The following ADAM15 variants were observed in gnomAD, a reference collection of about 807,000 sequenced individuals.
The protein encoded by ADAM15 is disintegrin and metalloproteinase domain-containing protein 15.
ADAM15 carries 77 observed loss-of-function variants against 113.8 expected under a neutral mutation model. That is an observed-to-expected ratio of 0.68 (90% CI 0.56 to 0.82). The LOEUF (loss-of-function observed/expected upper bound fraction) is 0.82. Among genes scored for constraint, ADAM15 ranks in the 40% least tolerant of loss-of-function variants. ADAM15 has a pLI of 0.00. For missense variants in ADAM15, 963 were observed against 1,120.1 expected (o/e 0.86, Z 2.00); for synonymous variants, 388 against 454.1 (o/e 0.85, Z 1.85).
Position 155,056,073 on chromosome 1 carries a change from C to A in ADAM15, c.745-7C>A. The stretch of plus-strand genomic sequence containing the variant: ...AACCCCTCTTCTGAGCCCCAGCTGT[C>A]TTTCAGTTCTTCCGGCCCCTGAATG... On this transcript the variant is annotated splice_polypyrimidine_tract_variant and splice_region_variant and intron_variant, in intron 8 of 22. Coordinates refer to ENST00000356955, the MANE Select transcript of ADAM15 (RefSeq NM_207197.3). This position sits in a 1 kb window ranked among gnomAD's most constrained non-coding sequence, Gnocchi z 4.0. 1 of 1,612,818 alleles carries A rather than the reference C, an allele frequency of 6.2e-7. No homozygotes were observed. Among genetic ancestry groups the A allele is most frequent in the East Asian group, 2.2e-5 (1 of 44,888 alleles).
intron 16 of ADAM15, 94 bp from the exon 17 acceptor site, chr1:155,059,808 C>T (rs1662321280): frequency 7.3e-7 from 1 of 1,369,406 alleles, no homozygotes; most frequent in Non-Finnish European, 1.0e-6. Flanking sequence ...CCAGCACAAC[C>T]CCCAGTTGTA....
At chr1:155,052,615 C>T in intron 1 of ADAM15, 56 bp from the exon 2 acceptor site, 4 of 1,557,314 alleles carry the variant, frequency 2.6e-6, no homozygotes, top group Non-Finnish European at 3.5e-6. Flanking sequence ...ACCTGTCACC[C>T]CCAGCCCTGC....
chr1:155,062,066 C>T lies in ADAM15; in HGVS notation c.2424+91C>T. The T allele has an allele frequency of 3.4e-6, 5 of 1,479,840 alleles. No homozygotes were observed. Among genetic ancestry groups the T allele is most frequent in the Non-Finnish European group, 4.5e-6 (5 of 1,113,706 alleles). The allele number at this position is 1,479,840 out of a possible 1,614,324, so 91.7% of individuals were successfully genotyped here. A position where few individuals can be genotyped will look rare whatever the true frequency, so the allele number is the denominator to read the frequency against. The stretch of plus-strand genomic sequence containing the variant: ...TGACGGTGGTGGCCGTGGCGAGATG[C>T]CCCCTCAGTGCATGAGGGCACATAT... On this transcript the variant is annotated intron_variant, in intron 21 of 22. Coordinates refer to ENST00000356955, the MANE Select transcript of ADAM15 (RefSeq NM_207197.3). This position sits in a 1 kb window ranked among gnomAD's most constrained non-coding sequence, Gnocchi z 7.0.
At position 155,061,352 on chromosome 1, in the gene ADAM15, C is replaced by T. The variant is rs1438837568; in HGVS notation, c.2278-63C>T. 3.5e-6 allele frequency: 5 copies of T among 1,440,314 alleles called. No homozygotes were observed. The Admixed American group carries it at 7.1e-5, about 20-fold the overall frequency. The allele number at this position is 1,440,314 out of a possible 1,614,324, so 89.2% of individuals were successfully genotyped here. ...CCCCCTGGGCACTGACCCTTCCCTG[C>T]CCACTCTGTCTCTCTGCTTCCTCTT... On this transcript the variant is annotated intron_variant, in intron 19 of 22. Transcript: ENST00000356955.
chr1:155,055,738 C>T, intron 6 of ADAM15, 52 bp from the exon 7 acceptor site: 1 of 1,604,662 alleles, frequency 6.2e-7, no homozygotes, highest in South Asian at 1.1e-5. Flanking sequence ...CCCGGCACAG[C>T]TGCTGGCTGC....
chr1:155,054,678 G>A (rs939205917), intron 6 of ADAM15, among the ~76,000 whole-genome samples, 172 bp downstream of exon 6: 2 of 152,140 alleles, frequency 1.3e-5, no homozygotes, highest in Admixed American at 6.5e-5. Context: ...GGAGGTAGGT[G>A]CTATCAATAG....
rs899642422 is a variant in ADAM15, at chr1:155,053,432, C to G, written c.202C>G (p.Pro68Ala). The change falls in exon 3 of 23, where the codon CCC (proline) becomes GCC (alanine). Residue 68 changes from proline (P) to alanine (A), a missense_variant. By Grantham distance (27) the Pro-to-Ala change is conservative. Transcript: ENST00000356955. Reference protein sequence around the residue: ...KKVLQTSLPEPLRIKLELDGD... With the variant: ...KKVLQTSLPEALRIKLELDGD... ...GTGCCCACAGACCAGTCTGCCTGAG[C>G]CCCTGAGGATCAAGTTGGAGCTGGA... 8 of 1,613,950 alleles carry G rather than the reference C, an allele frequency of 5.0e-6. No individual in the cohort carries two copies. The highest frequency in any genetic ancestry group is 1.7e-5 in the Admixed American group (1 of 59,992).
chr1:155,061,111 C>T, intron 19 of ADAM15: 1 of 579,994 alleles, frequency 1.7e-6, no homozygotes, highest in Non-Finnish European at 3.1e-6. Context: ...TCCATGCCCC[C>T]AGCAGTGACC....
chr1:155,057,817 A>T lies in ADAM15; in HGVS notation c.1417-34A>T. ...TTCTGACCCCCGGCTGGATTTGCTC[A>T]GTGCCCACACTGATGCTCATCCACC... On this transcript the variant is annotated intron_variant, in intron 13 of 22. Transcript: ENST00000356955. This position sits in a 1 kb window ranked among gnomAD's most constrained non-coding sequence, Gnocchi z 5.0. 6.2e-7 allele frequency: 1 copy of T among 1,613,092 alleles called. No individual in the cohort carries two copies. The highest frequency in any genetic ancestry group is 8.5e-7 in the Non-Finnish European group (1 of 1,179,234).
intron 1 of ADAM15, 184 bp from the exon 2 acceptor site, chr1:155,052,487 A>G (rs1021764362): frequency 1.3e-6 from 2 of 1,535,474 alleles, no homozygotes; most frequent in African/African-American, 1.4e-5. Context: ...GTGGAAAGCC[A>G]TAAATTAGAG....
In ADAM15 at chr1:155,051,651, G is replaced by C. The variant is rs187651419; in HGVS notation, c.79+186G>C. ...TGGCGATGGGGTGAAAAGAGAAGGA[G>C]GGGGGATGCCGGCGCCCCCTGCCTC... On this transcript the variant is annotated intron_variant, in intron 1 of 22. Transcript: ENST00000356955. 506 of 505,608 alleles carry C rather than the reference G, an allele frequency of 1.0e-3. 5 individuals carry two copies. The East Asian group carries it at 0.018, about 18-fold the overall frequency. The allele number at this position is 505,608 out of a possible 1,614,324, so 31.3% of individuals were successfully genotyped here. A position where few individuals can be genotyped will look rare whatever the true frequency, so the allele number is the denominator to read the frequency against.
intron 16 of ADAM15, 88 bp from the exon 17 acceptor site, chr1:155,059,814 T>G: frequency 1.4e-6 from 2 of 1,420,684 alleles, no homozygotes; most frequent in Non-Finnish European, 2.0e-6. Context: ...CAACCCCCAG[T>G]TGTAGAAATC....
intron 6 of ADAM15, 111 bp downstream of exon 6, chr1:155,054,617 C>A (rs1661520193): frequency 5.0e-6 from 6 of 1,207,172 alleles, no homozygotes; most frequent in Non-Finnish European, 6.7e-6. Context: ...GAGCACTTTC[C>A]ACATGCTGGG....
chr1:155,060,156 T>G, intron 17 of ADAM15, 49 bp from the exon 18 acceptor site: 1 of 1,607,266 alleles, frequency 6.2e-7, no homozygotes, highest in Middle Eastern at 1.7e-4. Context: ...CCTTCATGGA[T>G]CTAGAGTTCT....
chr1:155,059,195 C>G lies in ADAM15; in HGVS notation c.1995+408C>G, dbSNP rs189480510. ...CATTACTCATGTCTCAGCCTCCCTA[C>G]TCGCTGGGATTACAGTCACCCGCCA... On this transcript the variant is annotated intron_variant, in intron 16 of 22. Transcript: ENST00000356955. Among the ~76,000 whole-genome samples the G allele has an allele frequency of 2.0e-3, 301 of 152,238 alleles. 1 individual carries two copies. Among genetic ancestry groups the G allele is most frequent in the South Asian group, 0.014 (67 of 4,820 alleles).
chr1:155,058,486 T>G lies in ADAM15; in HGVS notation c.1917+45T>G. ...AAGACCAGGTGTGAGAAGGGACATT[T>G]GGACCACAATGAACAGAGCCCAGAC... On this transcript the variant is annotated intron_variant, in intron 15 of 22. Coordinates refer to ENST00000356955, the MANE Select transcript of ADAM15 (RefSeq NM_207197.3). The surrounding 1 kb of genome is among the most constrained non-coding windows in gnomAD (Gnocchi z 4.3). 1 of 1,598,806 alleles carries G rather than the reference T, an allele frequency of 6.3e-7. No individual in the cohort carries two copies. The highest frequency in any genetic ancestry group is 1.3e-5 in the African/African-American group (1 of 74,920).
At chr1:155,059,215 C>A (rs1662214902) in intron 16 of ADAM15, among the ~76,000 whole-genome samples, 1 of 152,132 alleles carries the variant, frequency 6.6e-6, no homozygotes, top group Admixed American at 6.5e-5. Context: ...TTACAGTCAC[C>A]CGCCACCATG....
chr1:155,061,773 T>G, intron 20 of ADAM15, 131 bp from the exon 21 acceptor site: 2 of 1,077,076 alleles, frequency 1.9e-6, no homozygotes, highest in Non-Finnish European at 2.7e-6. Flanking sequence ...CCAAGCCCTC[T>G]GCGCATGCCC....
intron 16 of ADAM15, among the ~76,000 whole-genome samples, chr1:155,059,197 C>A (rs181806359): frequency 6.6e-6 from 1 of 152,084 alleles, no homozygotes; most frequent in African/African-American, 2.4e-5. Flanking sequence ...CCTCCCTACT[C>A]GCTGGGATTA....
Sources: gnomAD v4.1 joint callset for allele counts (sites outside exome capture counted in the v4.1 genomes callset) on GRCh38, gnomAD v4.1.1 for gene constraint, Gnocchi (gnomAD v3.1) non-coding constraint, MANE v1.5 for transcripts, NCBI Gene and HGNC (gene_info 2026-07-23, HGNC 2026-07-21) for gene names.